Variants in XKR9 observed in about 807,000 individuals in gnomAD.
XKR9 encodes the protein XK-related protein 9.
XKR9 carries 32 observed loss-of-function variants against 32.0 expected under a neutral mutation model. That is an observed-to-expected ratio of 1.00 (90% CI 0.76 to 1.34). The LOEUF is 1.34. Ranked by LOEUF, XKR9 falls within the 40% of genes most tolerant of loss-of-function variation. XKR9 has a pLI of 0.00. For missense variants in XKR9, 546 were observed against 429.7 expected (o/e 1.27, Z -2.39); for synonymous variants, 168 against 143.4 (o/e 1.17, Z -1.22).
At chr8:70,920,746 G>C in the XKR9 span, among the ~76,000 whole-genome samples, 4 of 151,806 alleles carry the variant, frequency 2.6e-5, no homozygotes, top group Non-Finnish European at 5.9e-5. Flanking sequence ...AAAGCAACCT[G>C]TTTATATTTT....
At chr8:70,924,119 T>C in the XKR9 span, among the ~76,000 whole-genome samples, 2 of 152,216 alleles carry the variant, frequency 1.3e-5, no homozygotes, top group Non-Finnish European at 2.9e-5. Flanking sequence ...TTTCTGAATA[T>C]GTAACAACCA....
At chr8:70,832,493 T>C in the XKR9 span, among the ~76,000 whole-genome samples, 2 of 151,694 alleles carry the variant, frequency 1.3e-5, no homozygotes, top group African/African-American at 4.8e-5. Context: ...CTTACAGGAG[T>C]GATATTAAAA....
chr8:70,882,261 A>G, the XKR9 span, among the ~76,000 whole-genome samples: 10 of 151,880 alleles, frequency 6.6e-5, no homozygotes, highest in African/African-American at 1.4e-4. Context: ...AAAGTATAAT[A>G]ATAAAAAATA....
Position 70,695,128 on chromosome 8 carries a change from C to CT in XKR9, c.273-11788dup, listed in dbSNP as rs149186256. Among the ~76,000 whole-genome samples the CT allele has an allele frequency of 4.3e-3, 535 of 125,252 alleles. 2 individuals are homozygous for CT. Among genetic ancestry groups the CT allele is most frequent in the African/African-American group, 0.015 (463 of 31,128 alleles). 82.2% of individuals were successfully genotyped at this position (125,252 alleles called of 152,430 possible). On this transcript the variant is annotated intron_variant, in intron 3 of 4. Coordinates refer to ENST00000408926, the MANE Select transcript of XKR9 (RefSeq NM_001011720.2). ...GTGGCCGTTGTCCTGCCTTGTTTTT[C>CT]TTTTTTTTTTTTTTTTTCTCATTGA...
At chr8:70,965,739 T>C in the XKR9 span, among the ~76,000 whole-genome samples, 1 of 152,220 alleles carries the variant, frequency 6.6e-6, no homozygotes, top group African/African-American at 2.4e-5. Flanking sequence ...TTTATGTGCA[T>C]AGAGGTGTTC....
the XKR9 span, among the ~76,000 whole-genome samples, chr8:70,977,749 G>A: frequency 4.6e-5 from 7 of 152,164 alleles, no homozygotes; most frequent in East Asian, 1.9e-4. Context: ...TGTCTATTAG[G>A]TCTGCTTGTT....
intron 3 of XKR9, among the ~76,000 whole-genome samples, chr8:70,701,819 G>T (rs564843936): frequency 4.7e-4 from 71 of 152,228 alleles, no homozygotes; most frequent in African/African-American, 1.6e-3. Context: ...GGGGTCTGTG[G>T]AGTAGGATGT....
chr8:70,681,003 T>C lies in XKR9; in HGVS notation c.-56T>C. On this transcript the variant is annotated 5_prime_UTR_variant, in exon 3 of 5. Coordinates refer to ENST00000408926, the MANE Select transcript of XKR9 (RefSeq NM_001011720.2). ...GTATACTAATATTTGTTTGGCTTTTTTTCCCTTTTTGTGAGGGAGAAAAAA... is the reference window on the plus strand; with the variant it reads ...GTATACTAATATTTGTTTGGCTTTTCTTCCCTTTTTGTGAGGGAGAAAAAA... The C allele has an allele frequency of 6.5e-7, 1 of 1,535,738 alleles. No homozygotes were observed. The highest frequency in any genetic ancestry group is 8.8e-7 in the Non-Finnish European group (1 of 1,141,706).
At chr8:71,023,226 T>G in the XKR9 span, among the ~76,000 whole-genome samples, 1 of 152,218 alleles carries the variant, frequency 6.6e-6, no homozygotes, top group African/African-American at 2.4e-5. Context: ...TCTGGTATAA[T>G]AGTTGTTTCT....
At chr8:70,871,389 A>G in the XKR9 span, among the ~76,000 whole-genome samples, 1 of 152,196 alleles carries the variant, frequency 6.6e-6, no homozygotes, top group African/African-American at 2.4e-5. Context: ...GCAACCCTGC[A>G]TTAAGCATCT....
At chr8:70,953,041 T>C in the XKR9 span, among the ~76,000 whole-genome samples, 3 of 152,204 alleles carry the variant, frequency 2.0e-5, no homozygotes, top group Non-Finnish European at 2.9e-5. Flanking sequence ...ATTCTAGACG[T>C]GCAGGAGGAT....
rs543122360 is a variant in XKR9, at chr8:70,734,496, G to T, written c.*72G>T. The T allele has an allele frequency of 5.7e-6, 8 of 1,399,084 alleles. No homozygotes were observed. The East Asian group carries it at 8.0e-5, about 14-fold the overall frequency. The allele number at this position is 1,399,084 out of a possible 1,614,324, so 86.7% of individuals were successfully genotyped here. Reference sequence around the variant, plus strand: ...TAGTAAAGAAAATGTGTGTTATGTGGGTGTGTTGTCTCTTATTTTTGCCAC... The same window carrying T: ...TAGTAAAGAAAATGTGTGTTATGTGTGTGTGTTGTCTCTTATTTTTGCCAC... On this transcript the variant is annotated 3_prime_UTR_variant, in exon 5 of 5. Coordinates refer to ENST00000408926, the MANE Select transcript of XKR9 (RefSeq NM_001011720.2).
chr8:70,874,233 A>G, the XKR9 span, among the ~76,000 whole-genome samples: 2 of 152,194 alleles, frequency 1.3e-5, no homozygotes, highest in Admixed American at 6.5e-5. Context: ...TTGAACCTGC[A>G]ATATCTCTAA....
At chr8:70,960,142 G>A in the XKR9 span, among the ~76,000 whole-genome samples, 1 of 152,150 alleles carries the variant, frequency 6.6e-6, no homozygotes, top group African/African-American at 2.4e-5. Context: ...CTACTTGGGA[G>A]GCTGAGGCAG....
the XKR9 span, among the ~76,000 whole-genome samples, chr8:71,035,015 T>C: frequency 6.6e-6 from 1 of 152,230 alleles, no homozygotes; most frequent in Non-Finnish European, 1.5e-5. Flanking sequence ...AACAATTCCT[T>C]ATTGTTGGAT....
downstream of XKR9, among the ~76,000 whole-genome samples, chr8:70,792,958 TTTCAGGCCACCTA>T (rs746799478): frequency 6.6e-6 from 1 of 152,104 alleles, no homozygotes; most frequent in Non-Finnish European, 1.5e-5. Flanking sequence ...ATGTTTGTTA[TTTCAGGCCACCTA>T]ATTTTTAGAA....
the XKR9 span, among the ~76,000 whole-genome samples, chr8:70,993,600 ATCTTCCTTCCTT>A: frequency 1.3e-5 from 1 of 79,200 alleles, no homozygotes; most frequent in South Asian, 3.1e-4. Context: ...TTCATAGGAC[ATCTTCCTTCCTT>A]CCTTCCTTCC....
the XKR9 span, among the ~76,000 whole-genome samples, chr8:70,994,926 G>A: frequency 1.3e-5 from 2 of 152,118 alleles, no homozygotes; most frequent in African/African-American, 4.8e-5. Context: ...AATAGTGGAA[G>A]GGTAACTATA....
chr8:70,738,966 T>A (rs1231338084), downstream of XKR9, among the ~76,000 whole-genome samples: 2 of 152,278 alleles, frequency 1.3e-5, no homozygotes, highest in South Asian at 2.1e-4. Context: ...GGTGGAGAGT[T>A]CTGTAGATGT....
Sources: allele counts gnomAD v4.1 joint callset (sites outside exome capture counted in the v4.1 genomes callset), GRCh38; gene constraint gnomAD v4.1.1; transcripts MANE v1.5; gene names NCBI Gene and HGNC (gene_info 2026-07-23, HGNC 2026-07-21).